Variants in XYLT1 observed in about 807,000 individuals in gnomAD.
XYLT1 encodes the protein beta-D-xylosyltransferase 1.
XYLT1 carries 36 observed loss-of-function variants against 91.3 expected under a neutral mutation model. The observed-to-expected ratio is 0.39, with a 90% CI of 0.30 to 0.52. The LOEUF (loss-of-function observed/expected upper bound fraction) is 0.52. Among genes scored for constraint, XYLT1 ranks in the 20% least tolerant of loss-of-function variants. The pLI, the probability that XYLT1 is intolerant of heterozygous loss-of-function variation, is 0.68. For synonymous variants in XYLT1, 588 were observed against 532.0 expected, an observed-to-expected ratio of 1.11 and a Z score of -1.45; for missense variants, 1,242 against 1,284.5, an observed-to-expected ratio of 0.97 and a Z score of 0.51.
intron 2 of XYLT1, among the ~76,000 whole-genome samples, chr16:17,301,107 G>C (rs1179808901): frequency 6.6e-6 from 1 of 151,866 alleles, no homozygotes; most frequent in Non-Finnish European, 1.5e-5. Context: ...GAGTATATGT[G>C]TGTGAGAAAA....
chr16:17,283,053 C>G (rs577519822), intron 2 of XYLT1, among the ~76,000 whole-genome samples: 2 of 152,038 alleles, frequency 1.3e-5, no homozygotes, highest in Non-Finnish European at 2.9e-5. Flanking sequence ...CATGCATAGA[C>G]CCACATTTCC....
At chr16:17,163,416 TTTGCTG>T (rs2031598967) in intron 5 of XYLT1, among the ~76,000 whole-genome samples, 1 of 152,196 alleles carries the variant, frequency 6.6e-6, no homozygotes. Flanking sequence ...ACAATGCCTG[TTTGCTG>T]GTGGCATGTG....
intron 2 of XYLT1, among the ~76,000 whole-genome samples, chr16:17,283,530 A>G (rs1368242494): frequency 1.3e-5 from 2 of 152,234 alleles, no homozygotes; most frequent in Non-Finnish European, 2.9e-5. Context: ...CTCACTTGAC[A>G]TTCTAGAGTC....
At chr16:17,469,128 G>A (rs1567214931) in intron 1 of XYLT1, among the ~76,000 whole-genome samples, 1 of 152,234 alleles carries the variant, frequency 6.6e-6, no homozygotes, top group East Asian at 1.9e-4. Context: ...TCAGTTCTCA[G>A]GCATGAAGAG....
intron 2 of XYLT1, among the ~76,000 whole-genome samples, chr16:17,274,224 T>C (rs999980176): frequency 6.6e-6 from 1 of 152,200 alleles, no homozygotes; most frequent in African/African-American, 2.4e-5. Flanking sequence ...ATATTATCTG[T>C]TTATAAATTG....
intron 3 of XYLT1, among the ~76,000 whole-genome samples, chr16:17,202,072 T>C (rs2032553815): frequency 6.6e-6 from 1 of 152,206 alleles, no homozygotes. Context: ...TTCTTTCTCT[T>C]GCTTCAGATA....
At chr16:17,423,841 C>G (rs1358011196) in intron 1 of XYLT1, among the ~76,000 whole-genome samples, 1 of 152,104 alleles carries the variant, frequency 6.6e-6, no homozygotes, top group Non-Finnish European at 1.5e-5. Flanking sequence ...GTCTCGATCC[C>G]TTGACCTGGT....
At position 17,116,317 on chromosome 16, in the gene XYLT1, T is replaced by C. The variant is rs574413036; in HGVS notation, c.2557+1329A>G. Among the ~76,000 whole-genome samples, 13 of 152,364 alleles carry C rather than the reference T, an allele frequency of 8.5e-5. No homozygotes were observed. In the East Asian group the frequency reaches 2.3e-3, roughly 27 times the overall value. ...CTCCATGGGGATGGAAACCCTGACC[T>C]GAATTTCATGTTAATTTCATGTTTC... is the stretch of plus-strand genomic sequence containing the variant. On this transcript the variant is annotated intron_variant, in intron 11 of 11. Transcript: ENST00000261381.
intron 1 of XYLT1, among the ~76,000 whole-genome samples, chr16:17,456,638 G>A (rs974262544): frequency 6.6e-6 from 1 of 152,160 alleles, no homozygotes; most frequent in Non-Finnish European, 1.5e-5. Context: ...ACCACGCCCG[G>A]CAACAGTACC....
chr16:17,362,570 G>A (rs2035399018), intron 1 of XYLT1, among the ~76,000 whole-genome samples: 1 of 152,228 alleles, frequency 6.6e-6, no homozygotes, highest in African/African-American at 2.4e-5. Flanking sequence ...AGTCTTGCTT[G>A]TAAGACCAAG....
chr16:17,359,684 G>A (rs1006290619), intron 1 of XYLT1, among the ~76,000 whole-genome samples: 6 of 152,236 alleles, frequency 3.9e-5, no homozygotes, highest in East Asian at 1.9e-4. Flanking sequence ...TGTTCTCCCC[G>A]TCTCCCCACA....
intron 1 of XYLT1, among the ~76,000 whole-genome samples, chr16:17,373,588 A>G (rs2141876764): frequency 6.6e-6 from 1 of 152,376 alleles, no homozygotes; most frequent in South Asian, 2.1e-4. Context: ...TAGAACTCAT[A>G]ATAATGGTTG....
chr16:17,209,374 A>G lies in XYLT1; in HGVS notation c.914-8720T>C, dbSNP rs144231857. Among the ~76,000 whole-genome samples, 268 of 152,334 alleles carry G rather than the reference A, an allele frequency of 1.8e-3. 2 individuals carry two copies. Among genetic ancestry groups the G allele is most frequent in the African/African-American group, 6.1e-3 (255 of 41,574 alleles). On this transcript the variant is annotated intron_variant, in intron 3 of 11. Coordinates refer to ENST00000261381, the MANE Select transcript of XYLT1 (RefSeq NM_022166.4). ...GGGCAAGTAATACTCCACTGTATGC[A>G]TATAGCACAATTGATCCACTCATCT... is the stretch of plus-strand genomic sequence containing the variant.
chr16:17,219,410 T>G (rs1356097771), intron 3 of XYLT1, among the ~76,000 whole-genome samples: 1 of 151,642 alleles, frequency 6.6e-6, no homozygotes, highest in Non-Finnish European at 1.5e-5. Context: ...TCTAAATAAA[T>G]GTGAAATGAA....
intron 1 of XYLT1, among the ~76,000 whole-genome samples, chr16:17,361,540 AC>A (rs1210986538): frequency 3.3e-5 from 5 of 152,144 alleles, no homozygotes; most frequent in African/African-American, 4.8e-5. Flanking sequence ...CATCCCAGGA[AC>A]CTGAAATTAC....
chr16:17,188,148 T>G (rs1206503098), intron 5 of XYLT1, among the ~76,000 whole-genome samples: 1 of 152,088 alleles, frequency 6.6e-6, no homozygotes, highest in Non-Finnish European at 1.5e-5. Context: ...CCTGGAGGTT[T>G]GGAGAATAGG....
intron 2 of XYLT1, among the ~76,000 whole-genome samples, chr16:17,320,382 A>G (rs548287970): frequency 6.6e-4 from 100 of 152,048 alleles, no homozygotes; most frequent in African/African-American, 2.3e-3. Flanking sequence ...CAAACACACC[A>G]TTCCCAATGC....
chr16:17,307,767 C>G (rs1305674969), intron 2 of XYLT1, among the ~76,000 whole-genome samples: 1 of 152,144 alleles, frequency 6.6e-6, no homozygotes, highest in East Asian at 1.9e-4. Flanking sequence ...TTCCTGCACC[C>G]CAGGAGGCAG....
chr16:17,259,519 A>G, intron 2 of XYLT1, 21 bp from the exon 3 acceptor site: 2 of 1,596,010 alleles, frequency 1.3e-6, no homozygotes, highest in Non-Finnish European at 1.7e-6. Context: ...GGGGAGAGAA[A>G]CAGAAGAGAA....
Sources: gnomAD v4.1 joint callset for allele counts (sites outside exome capture counted in the v4.1 genomes callset) on GRCh38, gnomAD v4.1.1 for gene constraint, MANE v1.5 for transcripts, NCBI Gene and HGNC (gene_info 2026-07-23, HGNC 2026-07-21) for gene names.